Variants in XRCC4 observed in about 807,000 individuals in gnomAD.
XRCC4 encodes DNA repair protein XRCC4.
In XRCC4, 28 loss-of-function variants were observed where a neutral mutation model predicts 39.1. That is an observed-to-expected ratio of 0.72 (90% CI 0.53 to 0.98). The LOEUF is 0.98. Among genes scored for constraint, XRCC4 ranks in the 50% least tolerant of loss-of-function variants. The probability of loss-of-function intolerance (pLI) is 0.00; values close to 1 mark genes in which losing one functional copy is unlikely to be tolerated. For missense variants in XRCC4, 350 were observed against 376.4 expected (o/e 0.93, Z 0.58); for synonymous variants, 123 against 126.4 (o/e 0.97, Z 0.18).
chr5:83,099,550 G>A (rs974853475), intron 1 of XRCC4, among the ~76,000 whole-genome samples: 6 of 152,132 alleles, frequency 3.9e-5, no homozygotes, highest in African/African-American at 1.4e-4. Flanking sequence ...TTGCATACCA[G>A]CCAACAACTT....
At chr5:83,145,601 T>A (rs1748414726) in intron 3 of XRCC4, among the ~76,000 whole-genome samples, 1 of 152,230 alleles carries the variant, frequency 6.6e-6, no homozygotes. Context: ...TTGAACAGTT[T>A]ATCCATAGGA....
chr5:83,215,381 A>G (rs1459212377), intron 6 of XRCC4, among the ~76,000 whole-genome samples: 1 of 152,114 alleles, frequency 6.6e-6, no homozygotes, highest in Non-Finnish European at 1.5e-5. Context: ...AAATACTTTC[A>G]AATTGGTACA....
At chr5:83,113,143 T>C (rs900509178) in intron 3 of XRCC4, among the ~76,000 whole-genome samples, 1 of 152,226 alleles carries the variant, frequency 6.6e-6, no homozygotes, top group Non-Finnish European at 1.5e-5. Context: ...GGTACAGGCA[T>C]TGGGTAAACA....
At chr5:83,229,786 T>A (rs1422672022) in intron 6 of XRCC4, among the ~76,000 whole-genome samples, 1 of 151,624 alleles carries the variant, frequency 6.6e-6, no homozygotes, top group East Asian at 1.9e-4. Context: ...GTAGTTGATA[T>A]GCAGTTTCAG....
At chr5:83,174,233 T>C (rs1414701784) in intron 3 of XRCC4, among the ~76,000 whole-genome samples, 1 of 152,190 alleles carries the variant, frequency 6.6e-6, no homozygotes, top group Non-Finnish European at 1.5e-5. Context: ...TTTTCCTAGT[T>C]AATTTATTTT....
At chr5:83,105,701 G>C (rs2112377818) in intron 2 of XRCC4, among the ~76,000 whole-genome samples, 2 of 152,144 alleles carry the variant, frequency 1.3e-5, no homozygotes, top group East Asian at 1.9e-4. Flanking sequence ...TATATACGAA[G>C]TTTTAATACT....
At chr5:83,223,811 C>T (rs527460399) in intron 6 of XRCC4, among the ~76,000 whole-genome samples, 1 of 148,552 alleles carries the variant, frequency 6.7e-6, no homozygotes, top group South Asian at 2.2e-4. Context: ...AGTTGTATCT[C>T]CTAATGCTAT....
At chr5:83,270,751 A>G (rs1754111799) in intron 7 of XRCC4, among the ~76,000 whole-genome samples, 1 of 144,364 alleles carries the variant, frequency 6.9e-6, no homozygotes, top group South Asian at 2.2e-4. Flanking sequence ...GGATTTATTC[A>G]TTTTTTCGAA....
the XRCC4 span, among the ~76,000 whole-genome samples, chr5:83,366,475 T>C: frequency 6.6e-6 from 1 of 152,232 alleles, no homozygotes; most frequent in Non-Finnish European, 1.5e-5. Context: ...GTTATTTCAA[T>C]AGCATCCCAA....
At chr5:83,086,736 C>T (rs970588549) in intron 1 of XRCC4, among the ~76,000 whole-genome samples, 13 of 151,948 alleles carry the variant, frequency 8.6e-5, no homozygotes, top group Admixed American at 7.2e-4. Context: ...GTTCAGCGAT[C>T]AACTGTGTAT....
intron 3 of XRCC4, among the ~76,000 whole-genome samples, chr5:83,123,171 T>C (rs905276000): frequency 6.6e-6 from 1 of 152,160 alleles, no homozygotes; most frequent in African/African-American, 2.4e-5. Flanking sequence ...GTCTTACTTC[T>C]CCTTGAAGTA....
chr5:83,162,157 A>G (rs1749246428), intron 3 of XRCC4, among the ~76,000 whole-genome samples: 1 of 152,222 alleles, frequency 6.6e-6, no homozygotes, highest in Non-Finnish European at 1.5e-5. Flanking sequence ...ACAGAGCGAG[A>G]CAACGTTTCA....
At chr5:83,161,467 A>T (rs1749210254) in intron 3 of XRCC4, among the ~76,000 whole-genome samples, 1 of 152,182 alleles carries the variant, frequency 6.6e-6, no homozygotes. Flanking sequence ...TCTAAATATA[A>T]GTCATCTTTA....
intron 7 of XRCC4, chr5:83,259,472 T>C (rs1753675768): frequency 6.6e-6 from 1 of 152,060 alleles, no homozygotes; most frequent in African/African-American, 2.4e-5. Context: ...TAGGGGTCCA[T>C]AAGGTCGTCC....
intron 3 of XRCC4, among the ~76,000 whole-genome samples, chr5:83,117,480 C>T (rs1746782483): frequency 6.6e-6 from 1 of 152,036 alleles, no homozygotes; most frequent in Non-Finnish European, 1.5e-5. Flanking sequence ...ATTTATGAGT[C>T]AAAGAAAAAC....
intron 7 of XRCC4, among the ~76,000 whole-genome samples, chr5:83,341,311 C>T (rs955988826): frequency 6.6e-6 from 1 of 152,076 alleles, no homozygotes; most frequent in African/African-American, 2.4e-5. Flanking sequence ...CTATTGTAGA[C>T]ACATGAGCAC....
intron 1 of XRCC4, among the ~76,000 whole-genome samples, chr5:83,085,429 T>A (rs1745136412): frequency 6.6e-6 from 1 of 152,024 alleles, no homozygotes; most frequent in Non-Finnish European, 1.5e-5. Context: ...TAAAATTACA[T>A]CTGTCTAAAC....
chr5:83,089,375 A>T (rs1386760245), intron 1 of XRCC4, among the ~76,000 whole-genome samples: 18 of 152,248 alleles, frequency 1.2e-4, no homozygotes, highest in Admixed American at 1.2e-3. Flanking sequence ...GCTAAGCATG[A>T]TTATCCCAAT....
chr5:83,203,749 T>G, intron 5 of XRCC4, 42 bp downstream of exon 5: 1 of 1,595,606 alleles, frequency 6.3e-7, no homozygotes. Context: ...ATGAATACAT[T>G]TAAGTGGAAT....
Sources: gnomAD v4.1 joint callset for allele counts (sites outside exome capture counted in the v4.1 genomes callset) on GRCh38, gnomAD v4.1.1 for gene constraint, MANE v1.5 for transcripts, NCBI Gene and HGNC (gene_info 2026-07-23, HGNC 2026-07-21) for gene names.